SLC38A9: variants seen among roughly 807,000 people sequenced by gnomAD.
The protein encoded by SLC38A9 is neutral amino acid transporter 9.
A neutral mutation model predicts 62.3 loss-of-function variants in SLC38A9; 48 were observed. The observed-to-expected ratio is 0.77, with a 90% CI of 0.61 to 0.98. The LOEUF (loss-of-function observed/expected upper bound fraction) is 0.98. Among genes scored for constraint, SLC38A9 ranks in the 50% least tolerant of loss-of-function variants. The probability of loss-of-function intolerance (pLI) is 0.00; values close to 1 mark genes in which losing one functional copy is unlikely to be tolerated. For synonymous variants in SLC38A9, 204 were observed against 227.7 expected, an observed-to-expected ratio of 0.90 and a Z score of 0.94; for missense variants, 541 against 679.8, an observed-to-expected ratio of 0.80 and a Z score of 2.27.
intron 3 of SLC38A9, among the ~76,000 whole-genome samples, chr5:55,678,613 C>G (rs1429485426): frequency 6.8e-6 from 1 of 146,806 alleles, no homozygotes; most frequent in Non-Finnish European, 1.5e-5. Context: ...CAAAAAACAT[C>G]ACATGTAATT....
chr5:55,691,144 CAGTT>C (rs1221758946), intron 3 of SLC38A9: 37 of 732,846 alleles, frequency 5.0e-5, no homozygotes, highest in South Asian at 1.3e-4. Flanking sequence ...GAAATGTTCT[CAGTT>C]AGAAAAATCT....
chr5:55,647,804 A>C (rs1193094056), intron 11 of SLC38A9, among the ~76,000 whole-genome samples: 1 of 152,216 alleles, frequency 6.6e-6, no homozygotes, highest in Non-Finnish European at 1.5e-5. Context: ...TTTTAATAGC[A>C]CTATTGAAAT....
chr5:55,640,174 C>T (rs976521348), intron 12 of SLC38A9, among the ~76,000 whole-genome samples: 10 of 151,720 alleles, frequency 6.6e-5, no homozygotes, highest in East Asian at 1.9e-4. Context: ...TTAGTAGAGA[C>T]GGGGTTTTGC....
intron 11 of SLC38A9, among the ~76,000 whole-genome samples, chr5:55,647,947 T>A (rs185811515): frequency 1.3e-5 from 2 of 152,164 alleles, no homozygotes; most frequent in Admixed American, 1.3e-4. Context: ...TGTACAGATA[T>A]ACCACATTTT....
At chr5:55,711,783 C>A (rs1758081034) in intron 1 of SLC38A9, among the ~76,000 whole-genome samples, 1 of 152,158 alleles carries the variant, frequency 6.6e-6, no homozygotes, top group Non-Finnish European at 1.5e-5. Context: ...CAAGCCCAAG[C>A]GACGGAGCAA....
intron 10 of SLC38A9, among the ~76,000 whole-genome samples, chr5:55,651,281 C>T (rs1236572023): frequency 3.1e-5 from 3 of 98,040 alleles, no homozygotes; most frequent in South Asian, 4.0e-4. Context: ...GACAGAGTCT[C>T]ATTCTGTCAC....
intron 10 of SLC38A9, among the ~76,000 whole-genome samples, chr5:55,651,396 C>A (rs986556462): frequency 7.9e-5 from 12 of 151,596 alleles, no homozygotes; most frequent in Admixed American, 7.9e-4. Flanking sequence ...ATTACAGGCA[C>A]CAGCCACCAC....
At chr5:55,672,429 T>C in intron 4 of SLC38A9, 134 bp downstream of exon 4, 1 of 935,926 alleles carries the variant, frequency 1.1e-6, no homozygotes. Context: ...TTAATTACTA[T>C]CTTTGACTTT....
chr5:55,681,421 C>A (rs3914029), intron 3 of SLC38A9, among the ~76,000 whole-genome samples: 148,015 of 152,320 alleles, frequency 0.97, 71,951 homozygotes, highest in East Asian at 1. Context: ...TTTATCATAC[C>A]ACTTTTTACT....
In SLC38A9 at chr5:55,669,789, C is replaced by G; in HGVS notation, c.337G>C (p.Gly113Arg). 6.2e-7 allele frequency: 1 copy of G among 1,613,818 alleles called. No homozygotes were observed. The highest frequency in any genetic ancestry group is 8.5e-7 in the Non-Finnish European group (1 of 1,179,924). The part of the protein sequence containing the change: ...SAYKLQSYTE[G>R]YGKNTSLVTI... ...ACTAAACTGGTGTTTTTACCGTATCCTTCAGTGTAACTTTGAAGTTTATAA... is the reference window on the plus strand; with the variant it reads ...ACTAAACTGGTGTTTTTACCGTATCGTTCAGTGTAACTTTGAAGTTTATAA... Residue 113 changes from glycine (G) to arginine (R), a missense_variant, in exon 5 of 16, where the codon GGA (glycine) becomes CGA (arginine). Coordinates refer to ENST00000396865, the MANE Select transcript of SLC38A9 (RefSeq NM_173514.4).
intron 3 of SLC38A9, among the ~76,000 whole-genome samples, chr5:55,682,779 T>TAAAC (rs1446908520): frequency 8.7e-6 from 1 of 114,920 alleles, no homozygotes; most frequent in Non-Finnish European, 2.0e-5. Flanking sequence ...AAAACAGACG[T>TAAAC]GTGTGTGTTT....
intron 3 of SLC38A9, among the ~76,000 whole-genome samples, chr5:55,687,957 A>C (rs1327191820): frequency 6.6e-6 from 1 of 152,126 alleles, no homozygotes; most frequent in Non-Finnish European, 1.5e-5. Flanking sequence ...TTGGCCTCCC[A>C]AAGTGTTGGG....
At chr5:55,638,743 A>G (rs1183288743) in intron 12 of SLC38A9, among the ~76,000 whole-genome samples, 1 of 152,246 alleles carries the variant, frequency 6.6e-6, no homozygotes, top group East Asian at 1.9e-4. Flanking sequence ...AGCCAAGTAA[A>G]CCACAGATTC....
At chr5:55,667,723 T>TTTTTA (rs1164416729) in intron 7 of SLC38A9, among the ~76,000 whole-genome samples, 34 of 152,130 alleles carry the variant, frequency 2.2e-4, no homozygotes, top group African/African-American at 6.3e-4. Flanking sequence ...CTTTTTATTA[T>TTTTTA]TTTTATTTTA....
chr5:55,691,451 T>C (rs1754728345), intron 3 of SLC38A9, among the ~76,000 whole-genome samples: 2 of 151,736 alleles, frequency 1.3e-5, no homozygotes, highest in Non-Finnish European at 2.9e-5. Context: ...CTGGGGAAAA[T>C]GGAAGAAGAG....
chr5:55,702,616 A>G (rs1756815114), intron 2 of SLC38A9: 1 of 152,152 alleles, frequency 6.6e-6, no homozygotes, highest in African/African-American at 2.4e-5. Flanking sequence ...ATTTCCATCA[A>G]AAACCAAATG....
At chr5:55,666,505 G>C (rs1402484015) in intron 7 of SLC38A9, among the ~76,000 whole-genome samples, 1 of 152,120 alleles carries the variant, frequency 6.6e-6, no homozygotes, top group Non-Finnish European at 1.5e-5. Context: ...GCTAGTACAT[G>C]GCAGAAAGCA....
chr5:55,696,877 C>G (rs1379929681), intron 3 of SLC38A9: 1 of 163,314 alleles, frequency 6.1e-6, no homozygotes, highest in Admixed American at 6.5e-5. Context: ...TCCTCACCTC[C>G]CAGACGGGGT....
chr5:55,675,762 A>AT (rs1231962382), intron 3 of SLC38A9, among the ~76,000 whole-genome samples: 1 of 152,226 alleles, frequency 6.6e-6, no homozygotes, highest in Non-Finnish European at 1.5e-5. Context: ...GTCAAACCTC[A>AT]TATTTTCATT....
Sources: gnomAD v4.1 joint callset for allele counts (sites outside exome capture counted in the v4.1 genomes callset) on GRCh38, gnomAD v4.1.1 for gene constraint, MANE v1.5 for transcripts, NCBI Gene and HGNC (gene_info 2026-07-23, HGNC 2026-07-21) for gene names.